BPNT2: variants seen among roughly 807,000 people sequenced by gnomAD.
The protein encoded by BPNT2 is Golgi-resident adenosine 3',5'-bisphosphate 3'-phosphatase.
Under a neutral mutation model 29.3 loss-of-function variants are expected in BPNT2, and 11 were observed. That is an observed-to-expected ratio of 0.38 (90% confidence interval 0.24 to 0.62). The LOEUF (loss-of-function observed/expected upper bound fraction) is 0.62, where lower values mean the gene tolerates loss of function less well. Among genes scored for constraint, BPNT2 ranks in the 20% least tolerant of loss-of-function variants. The pLI is 0.62. For missense variants in BPNT2, 459 were observed against 473.4 expected (o/e 0.97, Z 0.28); for synonymous variants, 195 against 187.7 (o/e 1.04, Z -0.32).
chr8:56,972,456 T>G (rs1451041180), intron 3 of BPNT2, among the ~76,000 whole-genome samples: 1 of 151,946 alleles, frequency 6.6e-6, no homozygotes, highest in Non-Finnish European at 1.5e-5. Context: ...AGAAAACTCA[T>G]GAAGCCATTG....
At chr8:56,964,217 A>T in intron 4 of BPNT2, 153 bp from the exon 5 acceptor site, 1 of 582,434 alleles carries the variant, frequency 1.7e-6, no homozygotes, top group Non-Finnish European at 3.0e-6. Context: ...ATTATTTCAA[A>T]TTAAAAAAAT....
At chr8:56,965,135 C>T (rs1214031764) in intron 4 of BPNT2, among the ~76,000 whole-genome samples, 8 of 152,104 alleles carry the variant, frequency 5.3e-5, no homozygotes, top group East Asian at 1.9e-4. Flanking sequence ...GCCTGGGCAA[C>T]GTGGCAAAAC....
At position 56,961,139 on chromosome 8, in the gene BPNT2, TAA is replaced by T. The variant is rs1388101050; in HGVS notation, c.*2652_*2653del. 1 of 152,146 alleles carries T rather than the reference TAA, an allele frequency of 6.6e-6. No individual in the cohort carries two copies. The highest frequency in any genetic ancestry group is 1.5e-5 in the Non-Finnish European group (1 of 68,024). 9.4% of individuals were successfully genotyped at this position (152,146 alleles called of 1,614,324 possible). A position where few individuals can be genotyped will look rare whatever the true frequency, so the allele number is the denominator to read the frequency against. On this transcript the variant is annotated 3_prime_UTR_variant, in exon 5 of 5. Transcript: ENST00000262644. ...CACTGCCTCTACTAAATGTGGTGCA[TAA>T]AAGTCATATTTTAAGAAAAATTGCC...
rs540096691 is a variant in BPNT2 at position 56,959,785 on chromosome 8, A to C, written c.*4008T>G. ...TTTTATTTCAATTTAATTTTAATGA[A>C]TCTCCCCCAACTATAATATTAAAAA... is the stretch of plus-strand genomic sequence containing the variant. On this transcript the variant is annotated 3_prime_UTR_variant, in exon 5 of 5. Transcript: ENST00000262644. 2 of 152,302 alleles carry C rather than the reference A, an allele frequency of 1.3e-5. No homozygotes were observed. The highest frequency in any genetic ancestry group is 3.9e-4 in the East Asian group (2 of 5,188). 9.4% of individuals were successfully genotyped at this position (152,302 alleles called of 1,614,324 possible).
At chr8:56,964,990 T>A (rs760079809) in intron 4 of BPNT2, among the ~76,000 whole-genome samples, 12 of 152,060 alleles carry the variant, frequency 7.9e-5, no homozygotes, top group Non-Finnish European at 1.6e-4. Context: ...AAGGCAGATA[T>A]ATAGAACAGA....
intron 1 of BPNT2, among the ~76,000 whole-genome samples, chr8:56,981,545 C>A (rs1445910906): frequency 6.6e-6 from 1 of 151,986 alleles, no homozygotes; most frequent in Non-Finnish European, 1.5e-5. Context: ...AGCCTGGCGA[C>A]AGAGCAAGAC....
intron 1 of BPNT2, among the ~76,000 whole-genome samples, chr8:56,989,898 G>A (rs1806389414): frequency 6.6e-6 from 1 of 151,944 alleles, no homozygotes; most frequent in African/African-American, 2.4e-5. Context: ...ATCTCTCTTG[G>A]GCCTGTTCCT....
intron 1 of BPNT2, among the ~76,000 whole-genome samples, chr8:56,980,636 T>C (rs1013924749): frequency 6.6e-6 from 1 of 151,762 alleles, no homozygotes; most frequent in African/African-American, 2.4e-5. Context: ...TCTACCTTTT[T>C]TTTTTTAACT....
chr8:56,971,486 G>C (rs907252930), intron 3 of BPNT2, among the ~76,000 whole-genome samples: 3 of 151,948 alleles, frequency 2.0e-5, no homozygotes, highest in Non-Finnish European at 4.4e-5. Context: ...TTGGAGATTT[G>C]TGACGATTTG....
Position 56,963,825 on chromosome 8 carries a change from G to T in BPNT2, c.1048C>A (p.Leu350Ile), listed in dbSNP as rs1805888458. 1 of 1,614,152 alleles carries T rather than the reference G, an allele frequency of 6.2e-7. No individual in the cohort carries two copies. The highest frequency in any genetic ancestry group is 1.1e-5 in the South Asian group (1 of 91,078). Residue 350 changes from leucine (L) to isoleucine (I), a missense_variant, in exon 5 of 5, where the codon CTC becomes ATC. Leu to Ile is a conservative substitution (Grantham distance 5). Coordinates refer to ENST00000262644, the MANE Select transcript of BPNT2 (RefSeq NM_017813.5). ...RMNHQALVRK[L>I]PDLEKTGHK ...TGTCCTGTCTTTTCTAGATCTGGGA[G>T]TTTTCTGACCAGGGCCTGGTGGTTC...
chr8:56,981,162 C>T (rs370400276), intron 1 of BPNT2, among the ~76,000 whole-genome samples: 3 of 152,110 alleles, frequency 2.0e-5, no homozygotes, highest in South Asian at 2.1e-4. Context: ...AAAATGTCTC[C>T]GGACATTGTC....
chr8:56,958,835 AT>A lies in BPNT2; in HGVS notation c.*4957del, dbSNP rs1360818199. On this transcript the variant is annotated 3_prime_UTR_variant, in exon 5 of 5. Coordinates refer to ENST00000262644, the MANE Select transcript of BPNT2 (RefSeq NM_017813.5). ...TTGGCTACTGCCGGTAGTGGACAAT[AT>A]GGCACATGGAAATTAAAAAGTCCAT... The A allele has an allele frequency of 6.6e-6, 1 of 152,238 alleles. No individual in the cohort carries two copies. The highest frequency in any genetic ancestry group is 1.5e-5 in the Non-Finnish European group (1 of 68,044). The allele number at this position is 152,238 out of a possible 1,614,324, so 9.4% of individuals were successfully genotyped here. A position where few individuals can be genotyped will look rare whatever the true frequency, so the allele number is the denominator to read the frequency against.
chr8:56,987,020 AT>A (rs1806337091), intron 1 of BPNT2, among the ~76,000 whole-genome samples: 1 of 152,222 alleles, frequency 6.6e-6, no homozygotes, highest in African/African-American at 2.4e-5. Context: ...ACATAAGTGT[AT>A]TTAGGCTAGT....
At chr8:56,988,661 C>A (rs1452722944) in intron 1 of BPNT2, among the ~76,000 whole-genome samples, 1 of 152,208 alleles carries the variant, frequency 6.6e-6, no homozygotes, top group Non-Finnish European at 1.5e-5. Context: ...ATTAACATCA[C>A]AACACCGATG....
At chr8:56,972,688 T>C (rs1291503954) in intron 3 of BPNT2, among the ~76,000 whole-genome samples, 1 of 152,100 alleles carries the variant, frequency 6.6e-6, no homozygotes, top group Non-Finnish European at 1.5e-5. Context: ...GATGGTTTGA[T>C]AATTTTAGAA....
Position 56,958,466 on chromosome 8 carries a change from G to A in BPNT2, c.*5327C>T, listed in dbSNP as rs200958042. ...GGTGAGGAAGGTCATAACACGCTAA[G>A]TAAACTGGTGTCTAAGCATGTGACG... On this transcript the variant is annotated 3_prime_UTR_variant, in exon 5 of 5. Coordinates refer to ENST00000262644, the MANE Select transcript of BPNT2 (RefSeq NM_017813.5). 6.2e-4 allele frequency: 94 copies of A among 152,298 alleles called. No individual in the cohort carries two copies. The highest frequency in any genetic ancestry group is 2.1e-3 in the African/African-American group (89 of 41,564). 9.4% of individuals were successfully genotyped at this position (152,298 alleles called of 1,614,324 possible). A position where few individuals can be genotyped will look rare whatever the true frequency, so the allele number is the denominator to read the frequency against.
At chr8:56,989,130 A>G (rs1806371221) in intron 1 of BPNT2, among the ~76,000 whole-genome samples, 1 of 152,172 alleles carries the variant, frequency 6.6e-6, no homozygotes, top group African/African-American at 2.4e-5. Context: ...AGAATTAGAC[A>G]GACCTGAGAT....
At chr8:56,988,948 A>G (rs1348235407) in intron 1 of BPNT2, among the ~76,000 whole-genome samples, 1 of 152,096 alleles carries the variant, frequency 6.6e-6, no homozygotes, top group Admixed American at 6.6e-5. Flanking sequence ...CCATAACCCT[A>G]ATTCAAAAGA....
chr8:56,970,840 A>G (rs1046550396), intron 3 of BPNT2, among the ~76,000 whole-genome samples: 2 of 152,132 alleles, frequency 1.3e-5, no homozygotes, highest in Non-Finnish European at 2.9e-5. Flanking sequence ...GAAGGGGTAT[A>G]TAAGTATTCA....
Sources: gnomAD v4.1 joint callset for allele counts (sites outside exome capture counted in the v4.1 genomes callset) on GRCh38, gnomAD v4.1.1 for gene constraint, MANE v1.5 for transcripts, NCBI Gene and HGNC (gene_info 2026-07-23, HGNC 2026-07-21) for gene names.